The following HTRA3 variants were observed in gnomAD, a reference collection of about 807,000 sequenced individuals.
The protein encoded by HTRA3 is serine protease HTRA3.
In HTRA3, 41 loss-of-function variants were observed where a neutral mutation model predicts 43.2. The ratio of observed to expected loss-of-function variants is 0.95; its 90% confidence interval spans 0.74 to 1.23. The LOEUF is 1.23. Among genes scored for constraint, HTRA3 ranks in the 50% most tolerant of loss-of-function variants. HTRA3 has a pLI of 0.00. For synonymous variants in HTRA3, 295 were observed against 287.9 expected, an observed-to-expected ratio of 1.02 and a Z score of -0.25; for missense variants, 628 against 647.1, an observed-to-expected ratio of 0.97 and a Z score of 0.32.
intron 6 of HTRA3, among the ~76,000 whole-genome samples, chr4:8,294,643 T>A (rs796414194): frequency 2.4e-4 from 1 of 4,176 alleles, no homozygotes; most frequent in Non-Finnish European, 4.9e-4. Context: ...CATCCATCCA[T>A]CCATCCATCC....
Position 8,305,821 on chromosome 4 carries a change from G to C in HTRA3, c.1197-150G>C, listed in dbSNP as rs1380070172. The C allele has an allele frequency of 3.8e-6, 3 of 787,862 alleles. No individual in the cohort carries two copies. In the South Asian group the frequency reaches 4.9e-5, roughly 13 times the overall value. 48.8% of individuals were successfully genotyped at this position (787,862 alleles called of 1,614,324 possible). ...ACATTGGTTTTCTTCTGGTGTGAGAGCTTTGGGGCTGGGGCACTGTTCTTT... is the reference window on the plus strand; with the variant it reads ...ACATTGGTTTTCTTCTGGTGTGAGACCTTTGGGGCTGGGGCACTGTTCTTT... On this transcript the variant is annotated intron_variant, in intron 8 of 8. Transcript: ENST00000307358.
At chr4:8,305,950 C>G in intron 8 of HTRA3, 21 bp from the exon 9 acceptor site, 1 of 1,610,694 alleles carries the variant, frequency 6.2e-7, no homozygotes, top group Non-Finnish European at 8.5e-7. Flanking sequence ...TGGGTGGTGA[C>G]CCCGTCTCTC....
Position 8,286,511 on chromosome 4 carries a change from C to T in HTRA3, c.486-50C>T, listed in dbSNP as rs763715737. On this transcript the variant is annotated intron_variant, in intron 2 of 8. Transcript: ENST00000307358. This position sits in a 1 kb window ranked among gnomAD's most constrained non-coding sequence, Gnocchi z 4.9. The stretch of plus-strand genomic sequence containing the variant: ...AGCCCCACCACTGCGCCTGACTCCC[C>T]CGCGTCCTAGCCCCACCCTAAATGC... 5.9e-6 allele frequency: 9 copies of T among 1,522,630 alleles called. No individual in the cohort carries two copies. In the East Asian group the frequency reaches 1.6e-4, roughly 27 times the overall value. 94.3% of individuals were successfully genotyped at this position (1,522,630 alleles called of 1,614,324 possible).
At chr4:8,274,372 ACACC>A (rs537042605) in intron 1 of HTRA3, among the ~76,000 whole-genome samples, 266 of 151,942 alleles carry the variant, frequency 1.8e-3, no homozygotes, top group African/African-American at 6.1e-3. Context: ...CTTGGTGAGC[ACACC>A]CAGGGTCTCC....
Position 8,297,227 on chromosome 4 carries a change from G to A in HTRA3, c.1051+3026G>A, listed in dbSNP as rs147902032. Among the ~76,000 whole-genome samples, 380 of 152,042 alleles carry A rather than the reference G, an allele frequency of 2.5e-3. 2 individuals carry two copies. The highest frequency in any genetic ancestry group is 8.8e-3 in the African/African-American group (366 of 41,456). ...GAGCAGGACGGGCAGGGAGGCTGGTGGCCCCATACTTGGTGTGTGTTCTGC... is the reference window on the plus strand; with the variant it reads ...GAGCAGGACGGGCAGGGAGGCTGGTAGCCCCATACTTGGTGTGTGTTCTGC... On this transcript the variant is annotated intron_variant, in intron 6 of 8. Transcript: ENST00000307358. This position sits in a 1 kb window ranked among gnomAD's most constrained non-coding sequence, Gnocchi z 5.8.
At chr4:8,304,346 C>A in intron 8 of HTRA3, 67 bp downstream of exon 8, 1 of 1,280,894 alleles carries the variant, frequency 7.8e-7, no homozygotes, top group South Asian at 1.2e-5. Context: ...GGGGCTGCCC[C>A]ACTGACCTCA....
intron 1 of HTRA3, among the ~76,000 whole-genome samples, chr4:8,275,016 T>C (rs1712462190): frequency 6.6e-6 from 1 of 152,214 alleles, no homozygotes; most frequent in African/African-American, 2.4e-5. Context: ...TCAGGCAAGA[T>C]GACGCCTCCC....
chr4:8,282,540 G>C lies in HTRA3; in HGVS notation c.485+4G>C. 1 of 1,605,172 alleles carries C rather than the reference G, an allele frequency of 6.2e-7. No homozygotes were observed. Among genetic ancestry groups the C allele is most frequent in the East Asian group, 2.2e-5 (1 of 44,794 alleles). On this transcript the variant is annotated splice_donor_region_variant and intron_variant, in intron 2 of 8. Coordinates refer to ENST00000307358, the MANE Select transcript of HTRA3 (RefSeq NM_053044.5). ...TCCACATAGAGCTCTTCCTGAGGTG[G>C]GTGAATACCCCTCGCCCCTCTCTGC...
intron 8 of HTRA3, 148 bp from the exon 9 acceptor site, chr4:8,305,823 T>C (rs751934442): frequency 2.5e-6 from 2 of 806,140 alleles, no homozygotes; most frequent in East Asian, 5.1e-5. Flanking sequence ...GTGTGAGAGC[T>C]TTGGGGCTGG....
chr4:8,273,988 C>A (rs1712414124), intron 1 of HTRA3, among the ~76,000 whole-genome samples: 2 of 152,108 alleles, frequency 1.3e-5, no homozygotes, highest in African/African-American at 4.8e-5. Context: ...GCTCTGACTT[C>A]CCCCTCCATC....
At chr4:8,293,342 A>G (rs1713316650) in intron 5 of HTRA3, among the ~76,000 whole-genome samples, 1 of 152,214 alleles carries the variant, frequency 6.6e-6, no homozygotes, top group Non-Finnish European at 1.5e-5. Flanking sequence ...GGGTGGACAC[A>G]GAACTCAATC....
At chr4:8,293,836 G>A (rs1295105097) in intron 5 of HTRA3, among the ~76,000 whole-genome samples, 2 of 152,170 alleles carry the variant, frequency 1.3e-5, no homozygotes, top group African/African-American at 2.4e-5. Flanking sequence ...GAGCCTGGGG[G>A]CAGGCCCGAG....
At chr4:8,305,777 G>A (rs72616140) in intron 8 of HTRA3, among the ~76,000 whole-genome samples, 194 bp from the exon 9 acceptor site, 38,390 of 151,948 alleles carry the variant, frequency 0.25, 5,922 homozygotes, top group East Asian at 0.62. Context: ...AGTTTGAAAG[G>A]TTGTTTCCCT....
rs1240020026 is a variant in HTRA3, at chr4:8,271,045, T to C, written c.385+692T>C. Among the ~76,000 whole-genome samples, 4 of 151,894 alleles carry C rather than the reference T, an allele frequency of 2.6e-5. No individual in the cohort carries two copies. In the East Asian group the frequency reaches 7.8e-4, roughly 30 times the overall value. ...AGACTCTGCTGTGGCCGGACAGGGGTTCACTGAAGACAGGCGACGGGCCCC... is the reference window on the plus strand; with the variant it reads ...AGACTCTGCTGTGGCCGGACAGGGGCTCACTGAAGACAGGCGACGGGCCCC... On this transcript the variant is annotated intron_variant, in intron 1 of 8. Coordinates refer to ENST00000307358, the MANE Select transcript of HTRA3 (RefSeq NM_053044.5).
rs373848179 is a variant in HTRA3, at chr4:8,277,031, G to C, written c.386-5406G>C. ...CCGCCTGCGAGGTGTGGCCCGTGGA[G>C]GGGGAGGCAGCGGGTTCCTCTGGGC... On this transcript the variant is annotated intron_variant, in intron 1 of 8. Transcript: ENST00000307358. 4.6e-5 allele frequency among the ~76,000 whole-genome samples: 7 copies of C among 152,222 alleles called. No individual in the cohort carries two copies. The East Asian group carries it at 1.2e-3, about 25-fold the overall frequency.
At position 8,295,743 on chromosome 4, in the gene HTRA3, C is replaced by T. The variant is rs919962735; in HGVS notation, c.1051+1542C>T. ...GAGCAGGGGGCTTCCTCACGTTTCCCCCTCCTCCATGACCCCGTCAGCCAA... is the reference window on the plus strand; with the variant it reads ...GAGCAGGGGGCTTCCTCACGTTTCCTCCTCCTCCATGACCCCGTCAGCCAA... On this transcript the variant is annotated intron_variant, in intron 6 of 8. Coordinates refer to ENST00000307358, the MANE Select transcript of HTRA3 (RefSeq NM_053044.5). The surrounding 1 kb of genome is among the most constrained non-coding windows in gnomAD (Gnocchi z 6.9). 1 of 1,331,314 alleles carries T rather than the reference C, an allele frequency of 7.5e-7. No homozygotes were observed. Among genetic ancestry groups the T allele is most frequent in the African/African-American group, 1.5e-5 (1 of 66,574 alleles). 82.5% of individuals were successfully genotyped at this position (1,331,314 alleles called of 1,614,324 possible).
chr4:8,306,271 G>C lies in HTRA3; in HGVS notation c.*135G>C. On this transcript the variant is annotated 3_prime_UTR_variant, in exon 9 of 9. Coordinates refer to ENST00000307358, the MANE Select transcript of HTRA3 (RefSeq NM_053044.5). The surrounding 1 kb of genome is among the most constrained non-coding windows in gnomAD (Gnocchi z 8.9). ...TCCTCCTGGCTGTCCGGGGCAGAGC[G>C]GAGGCTGGGCTTGGCCAGGGGCCCG... The C allele has an allele frequency of 1.0e-6, 1 of 977,088 alleles. No individual in the cohort carries two copies. Among genetic ancestry groups the C allele is most frequent in the Non-Finnish European group, 1.4e-6 (1 of 693,424 alleles). The allele number at this position is 977,088 out of a possible 1,614,324, so 60.5% of individuals were successfully genotyped here. A position where few individuals can be genotyped will look rare whatever the true frequency, so the allele number is the denominator to read the frequency against.
rs111629819 is a variant in HTRA3, at chr4:8,288,614, C to T, written c.708+1831C>T. Among the ~76,000 whole-genome samples the T allele has an allele frequency of 2.6e-3, 394 of 149,492 alleles. 3 individuals are homozygous for T. The highest frequency in any genetic ancestry group is 9.4e-3 in the African/African-American group (380 of 40,460). Reference sequence around the variant, plus strand: ...TTGAGACGGGTTCTTGCTCTGTCACCCAGGCTGGAGTGCAGTAGCAGGATC... The same window carrying T: ...TTGAGACGGGTTCTTGCTCTGTCACTCAGGCTGGAGTGCAGTAGCAGGATC... On this transcript the variant is annotated intron_variant, in intron 3 of 8. Transcript: ENST00000307358.
intron 3 of HTRA3, among the ~76,000 whole-genome samples, chr4:8,288,724 C>T (rs996964376): frequency 6.6e-6 from 1 of 151,820 alleles, no homozygotes; most frequent in Non-Finnish European, 1.5e-5. Flanking sequence ...AGGTGCATGC[C>T]ACCACCCTCA....
Sources: gnomAD v4.1 joint callset for allele counts (sites outside exome capture counted in the v4.1 genomes callset) on GRCh38, gnomAD v4.1.1 for gene constraint, Gnocchi (gnomAD v3.1) non-coding constraint, MANE v1.5 for transcripts, NCBI Gene and HGNC (gene_info 2026-07-23, HGNC 2026-07-21) for gene names.